The following TEX11 variants were observed in gnomAD, a reference collection of about 807,000 sequenced individuals.
The protein encoded by TEX11 is testis expressed 11.
A neutral mutation model predicts 84.4 loss-of-function variants in TEX11; 7 were observed. That is an observed-to-expected ratio of 0.08 (90% CI 0.05 to 0.16). The LOEUF (loss-of-function observed/expected upper bound fraction) is 0.16. TEX11 is among the 10% of genes least tolerant of loss of function. TEX11 has a pLI of 1.00. For synonymous variants in TEX11, 264 were observed against 222.8 expected (o/e 1.18, Z -1.64); for missense variants, 551 against 660.5 (o/e 0.83, Z 1.82).
intron 13 of TEX11, 146 bp downstream of exon 13, chrX:70,722,472 G>T: frequency 2.3e-6 from 1 of 431,170 alleles, no homozygotes; most frequent in Non-Finnish European, 4.0e-6. Flanking sequence ...ATGGGGTCTT[G>T]CTATATTGCC....
At chrX:70,807,134 G>A (rs1285998833) in intron 8 of TEX11, among the ~76,000 whole-genome samples, 1 of 112,201 alleles carries the variant, frequency 8.9e-6, no homozygotes, top group African/African-American at 3.2e-5. Flanking sequence ...CCCAGCCAAA[G>A]GGCAGGCTAA....
intron 4 of TEX11, among the ~76,000 whole-genome samples, chrX:70,866,541 T>C (rs2091600286): frequency 9.0e-6 from 1 of 111,651 alleles, no homozygotes; most frequent in Non-Finnish European, 1.9e-5. Context: ...CCCTAACTGA[T>C]TTTATGAGGC....
chrX:70,522,522 A>G, the TEX11 span, among the ~76,000 whole-genome samples: 1 of 111,262 alleles, frequency 9.0e-6, no homozygotes, highest in Non-Finnish European at 1.9e-5. Flanking sequence ...AAAGAAAATG[A>G]TGCAAATACA....
chrX:70,853,025 G>A lies in TEX11; in HGVS notation c.525+9C>T, dbSNP rs947622465. ...CCCACTGGAAGACCCTGGTGCCCAC[G>A]ATACCTACTGACTCTGCTTGGTAAG... On this transcript the variant is annotated intron_variant, in intron 7 of 29. Coordinates refer to ENST00000374333, the MANE Select transcript of TEX11 (RefSeq NM_031276.3). The A allele has an allele frequency of 1.2e-5, 14 of 1,204,779 alleles. No homozygotes were observed. Among genetic ancestry groups the A allele is most frequent in the East Asian group, 3.0e-5 (1 of 33,681 alleles).
At chrX:70,735,425 CAGGAAGATTGT>C (rs1400711181) in intron 11 of TEX11, among the ~76,000 whole-genome samples, 2 of 111,430 alleles carry the variant, frequency 1.8e-5, no homozygotes, top group Non-Finnish European at 3.8e-5. Flanking sequence ...AGAACAAGTA[CAGGAAGATTGT>C]AGGATATAAT....
chrX:70,556,063 GA>G lies in TEX11; in HGVS notation c.2141-1264del, dbSNP rs761387241. Among the ~76,000 whole-genome samples the G allele has an allele frequency of 2.8e-4, 31 of 110,030 alleles. No individual in the cohort carries two copies. The South Asian group carries it at 6.8e-3, about 24-fold the overall frequency. ...ATCATTTGTATTGGTCTTTTCAAAAGAAAAAAAAACTTTTGGTTTCATTGAC... is the reference window on the plus strand; with the variant it reads ...ATCATTTGTATTGGTCTTTTCAAAAGAAAAAAAACTTTTGGTTTCATTGAC... On this transcript the variant is annotated intron_variant, in intron 25 of 29. Coordinates refer to ENST00000374333, the MANE Select transcript of TEX11 (RefSeq NM_031276.3).
intron 20 of TEX11, among the ~76,000 whole-genome samples, chrX:70,621,083 T>C (rs2147546229): frequency 9.0e-6 from 1 of 111,121 alleles, no homozygotes; most frequent in African/African-American, 3.3e-5. Context: ...GATTATGATA[T>C]GTCAATTTAG....
chrX:70,864,554 A>G (rs1248119477), intron 4 of TEX11, among the ~76,000 whole-genome samples: 1 of 107,704 alleles, frequency 9.3e-6, no homozygotes, highest in Non-Finnish European at 1.9e-5. Context: ...TGGCGAATAC[A>G]GTGAAACCCT....
chrX:70,757,895 A>C (rs1019251403), intron 9 of TEX11, among the ~76,000 whole-genome samples: 13 of 111,491 alleles, frequency 1.2e-4, no homozygotes, highest in African/African-American at 3.9e-4. Flanking sequence ...TGCTGAGACA[A>C]ACATAGGCTC....
chrX:70,903,656 G>C (rs2091814780), intron 2 of TEX11, among the ~76,000 whole-genome samples: 1 of 110,441 alleles, frequency 9.1e-6, no homozygotes, highest in Non-Finnish European at 1.9e-5. Context: ...AAGGGGACTA[G>C]AAACCAGGTA....
downstream of TEX11, among the ~76,000 whole-genome samples, chrX:70,525,957 G>A (rs909824537): frequency 3.6e-5 from 4 of 111,355 alleles, no homozygotes; most frequent in South Asian, 1.1e-3. Flanking sequence ...TCCTCGGCGC[G>A]GCGGGGGTCA....
At chrX:70,669,391 T>A (rs781006983) in intron 16 of TEX11, among the ~76,000 whole-genome samples, 1 of 112,128 alleles carries the variant, frequency 8.9e-6, no homozygotes, top group South Asian at 3.8e-4. Context: ...TCTGAAATAG[T>A]GCTGTCCTGT....
At chrX:70,817,122 AAGAT>A (rs1204283084) in intron 8 of TEX11, among the ~76,000 whole-genome samples, 6 of 42,541 alleles carry the variant, frequency 1.4e-4, no homozygotes, top group African/African-American at 2.6e-4. Context: ...GAGATGATAG[AAGAT>A]AGATAGATAA....
chrX:70,656,113 G>GTATATATA (rs774232604), intron 16 of TEX11, among the ~76,000 whole-genome samples: 27 of 101,375 alleles, frequency 2.7e-4, no homozygotes, highest in East Asian at 6.3e-4. Flanking sequence ...AGGTAGCTGT[G>GTATATATA]TATATATATA....
intron 3 of TEX11, 108 bp downstream of exon 3, chrX:70,879,880 T>A (rs2091674169): frequency 8.1e-6 from 5 of 614,595 alleles, no homozygotes; most frequent in Non-Finnish European, 8.9e-6. Flanking sequence ...GATTTTTATA[T>A]GTTTAGCAAT....
intron 16 of TEX11, among the ~76,000 whole-genome samples, chrX:70,662,427 T>C (rs770338254): frequency 9.0e-6 from 1 of 111,690 alleles, no homozygotes; most frequent in Non-Finnish European, 1.9e-5. Context: ...TGCAACCAAA[T>C]TGGAAAACAC....
chrX:70,577,748 T>G (rs1603093309), intron 25 of TEX11, among the ~76,000 whole-genome samples: 1 of 104,147 alleles, frequency 9.6e-6, no homozygotes, highest in African/African-American at 3.6e-5. Context: ...TTTTTTTTTT[T>G]GAGACAGTCT....
chrX:70,597,870 T>C (rs1451750629), intron 24 of TEX11, among the ~76,000 whole-genome samples: 1 of 111,991 alleles, frequency 8.9e-6, no homozygotes, highest in African/African-American at 3.2e-5. Context: ...ATAAAGAATA[T>C]ATAAAGAATT....
At chrX:70,678,550 C>T (rs2090095573) in intron 15 of TEX11, among the ~76,000 whole-genome samples, 1 of 109,961 alleles carries the variant, frequency 9.1e-6, no homozygotes, top group South Asian at 4.0e-4. Context: ...AAATTACATT[C>T]TTATATCTTA....
Sources: allele counts gnomAD v4.1 joint callset (sites outside exome capture counted in the v4.1 genomes callset), GRCh38; gene constraint gnomAD v4.1.1; transcripts MANE v1.5; gene names NCBI Gene and HGNC (gene_info 2026-07-23, HGNC 2026-07-21).